The following SLC35F4 variants were observed in gnomAD, a reference collection of about 807,000 sequenced individuals.
SLC35F4 encodes the protein chromosome 14 open reading frame 36.
In SLC35F4, 24 loss-of-function variants were observed where a neutral mutation model predicts 44.2. The ratio of observed to expected loss-of-function variants is 0.54; its 90% CI spans 0.39 to 0.76. The LOEUF is 0.76. Ranked by LOEUF, SLC35F4 falls within the 30% of genes least tolerant of loss-of-function variation. The pLI, the probability that SLC35F4 is intolerant of heterozygous loss-of-function variation, is 0.00. For synonymous variants in SLC35F4, 238 were observed against 223.6 expected (o/e 1.06, Z -0.57); for missense variants, 562 against 586.1 (o/e 0.96, Z 0.42).
rs533749139 is a variant in SLC35F4, at chr14:57,865,012, G to C, written c.103+711C>G. ...GCTTAGCTGGAAGAAAGCGGTGACC[G>C]CGACGTGCGGCGGGGGCGGGTGGCC... is the stretch of plus-strand genomic sequence containing the variant. On this transcript the variant is annotated intron_variant, in intron 1 of 7. Transcript: ENST00000556826. 3.9e-5 allele frequency among the ~76,000 whole-genome samples: 6 copies of C among 152,018 alleles called. No homozygotes were observed. In the East Asian group the frequency reaches 1.2e-3, roughly 30 times the overall value.
At chr14:57,627,900 T>C (rs1350544704) in intron 1 of SLC35F4, among the ~76,000 whole-genome samples, 2 of 152,108 alleles carry the variant, frequency 1.3e-5, no homozygotes, top group African/African-American at 2.4e-5. Context: ...CATCCCAATG[T>C]TGCTGTTTTC....
chr14:57,848,861 T>A (rs1267910342), intron 1 of SLC35F4, among the ~76,000 whole-genome samples: 1 of 152,112 alleles, frequency 6.6e-6, no homozygotes, highest in Non-Finnish European at 1.5e-5. Context: ...ATGCTGAGGA[T>A]CCACCTTGGT....
intron 1 of SLC35F4, among the ~76,000 whole-genome samples, chr14:57,880,145 A>T (rs1888502286): frequency 6.6e-6 from 1 of 152,084 alleles, no homozygotes. Flanking sequence ...AGGGCTTCAC[A>T]GTTTCTACAG....
chr14:57,595,179 A>T (rs1449301397), intron 1 of SLC35F4, among the ~76,000 whole-genome samples: 1 of 152,162 alleles, frequency 6.6e-6, no homozygotes, highest in Non-Finnish European at 1.5e-5. Flanking sequence ...AGTCTTGTTT[A>T]TCATAACCTT....
chr14:57,699,515 A>T (rs2075477722), intron 1 of SLC35F4, among the ~76,000 whole-genome samples: 1 of 152,204 alleles, frequency 6.6e-6, no homozygotes, highest in Admixed American at 6.5e-5. Flanking sequence ...ACCAGGCCAG[A>T]CATTCTCACT....
intron 1 of SLC35F4, among the ~76,000 whole-genome samples, chr14:57,749,879 C>A (rs1054740706): frequency 2.0e-5 from 3 of 152,130 alleles, no homozygotes; most frequent in Admixed American, 1.3e-4. Context: ...CAGTGGCCAT[C>A]TCTATTTGAA....
intron 1 of SLC35F4, among the ~76,000 whole-genome samples, chr14:57,672,783 AT>A (rs10569229): frequency 0.35 from 52,430 of 150,406 alleles, 9,413 homozygotes; most frequent in Non-Finnish European, 0.39. Context: ...ATTTTATTTT[AT>A]TTTTTTTTTT....
At chr14:57,617,629 T>A (rs1427044315) in intron 1 of SLC35F4, among the ~76,000 whole-genome samples, 1 of 152,128 alleles carries the variant, frequency 6.6e-6, no homozygotes, top group Non-Finnish European at 1.5e-5. Context: ...GTTTAAAGAC[T>A]TTAGGGAAAT....
chr14:57,806,337 C>A (rs959438622), intron 1 of SLC35F4, among the ~76,000 whole-genome samples: 3 of 151,940 alleles, frequency 2.0e-5, no homozygotes, highest in Non-Finnish European at 1.5e-5. Context: ...TTGACATTGC[C>A]TTATAGTATA....
intron 1 of SLC35F4, among the ~76,000 whole-genome samples, chr14:57,780,720 A>G (rs138016922): frequency 6.6e-6 from 1 of 152,308 alleles, no homozygotes; most frequent in East Asian, 1.9e-4. Context: ...ACAGCATGGT[A>G]CTGGTATAAA....
chr14:57,583,858 C>G (rs545308776), intron 3 of SLC35F4, among the ~76,000 whole-genome samples: 1 of 151,964 alleles, frequency 6.6e-6, no homozygotes, highest in Non-Finnish European at 1.5e-5. Flanking sequence ...TATGGAGAAG[C>G]GAATAACAGT....
At chr14:57,849,283 C>T (rs955533903) in intron 1 of SLC35F4, among the ~76,000 whole-genome samples, 3 of 152,108 alleles carry the variant, frequency 2.0e-5, no homozygotes, top group Admixed American at 2.0e-4. Flanking sequence ...TGCCTCAGCC[C>T]CCATAGTAGC....
chr14:57,951,536 T>G (rs1026334695), intron 1 of SLC35F4, among the ~76,000 whole-genome samples: 3 of 152,164 alleles, frequency 2.0e-5, no homozygotes, highest in Non-Finnish European at 4.4e-5. Context: ...ATCCACTGGC[T>G]TGAAATTCTC....
intron 1 of SLC35F4, among the ~76,000 whole-genome samples, chr14:57,728,770 T>G (rs997186230): frequency 1.4e-4 from 21 of 152,064 alleles, no homozygotes; most frequent in Admixed American, 1.4e-3. Flanking sequence ...GCCCCTTCCA[T>G]TGATTTCTTA....
At chr14:57,922,463 A>G (rs78063470) in intron 1 of SLC35F4, among the ~76,000 whole-genome samples, 5,184 of 152,332 alleles carry the variant, frequency 0.034, 119 homozygotes, top group Middle Eastern at 0.051. Flanking sequence ...GATGAAATCA[A>G]CTAGCCATTT....
chr14:57,738,787 A>ATATATATATATATATATATG (rs1491518109), intron 1 of SLC35F4, among the ~76,000 whole-genome samples: 3 of 96,936 alleles, frequency 3.1e-5, no homozygotes, highest in Non-Finnish European at 6.2e-5. Flanking sequence ...ATATATATAT[A>ATATATATATATATATATATG]GGCTTCATAT....
chr14:57,943,430 T>C (rs1889951283), intron 1 of SLC35F4, among the ~76,000 whole-genome samples: 1 of 152,224 alleles, frequency 6.6e-6, no homozygotes, highest in African/African-American at 2.4e-5. Context: ...TGTCTACGCT[T>C]TCCAAAAAGA....
chr14:57,649,185 T>C (rs1185890411), intron 1 of SLC35F4, among the ~76,000 whole-genome samples: 2 of 152,228 alleles, frequency 1.3e-5, no homozygotes, highest in African/African-American at 4.8e-5. Flanking sequence ...CCTTTATTTG[T>C]GTGCTAATGT....
At chr14:57,730,100 G>T (rs2076307904) in intron 1 of SLC35F4, among the ~76,000 whole-genome samples, 1 of 152,224 alleles carries the variant, frequency 6.6e-6, no homozygotes, top group South Asian at 2.1e-4. Context: ...GGAAGGGGTA[G>T]TGCTGGTGAT....
Sources: gnomAD v4.1 joint callset for allele counts (sites outside exome capture counted in the v4.1 genomes callset) on GRCh38, gnomAD v4.1.1 for gene constraint, MANE v1.5 for transcripts, NCBI Gene and HGNC (gene_info 2026-07-23, HGNC 2026-07-21) for gene names.